The following HTR4 variants were observed in gnomAD, a reference collection of about 807,000 sequenced individuals.
HTR4 encodes 5-hydroxytryptamine (serotonin) receptor 4, G protein-coupled.
In HTR4, 16 loss-of-function variants were observed where a neutral mutation model predicts 36.8. That is an observed-to-expected ratio of 0.43 (90% CI 0.29 to 0.66). The LOEUF (loss-of-function observed/expected upper bound fraction) is 0.66, where lower values mean the gene tolerates loss of function less well. HTR4 is among the 30% of genes least tolerant of loss of function. HTR4 has a pLI of 0.13. For missense variants in HTR4, 438 were observed against 490.9 expected, an observed-to-expected ratio of 0.89 and a Z score of 1.02; for synonymous variants, 189 against 185.1, an observed-to-expected ratio of 1.02 and a Z score of -0.17.
intron 6 of HTR4, among the ~76,000 whole-genome samples, chr5:148,499,588 G>T (rs1756842092): frequency 6.6e-6 from 1 of 152,188 alleles, no homozygotes; most frequent in South Asian, 2.1e-4. Flanking sequence ...CACAGAAAAA[G>T]TGTCTTGATT....
At position 148,510,044 on chromosome 5, in the gene HTR4, A is replaced by C. The variant is rs745652095; in HGVS notation, c.508-20T>G. On this transcript the variant is annotated intron_variant, in intron 5 of 6. Transcript: ENST00000377888. Reference sequence around the variant, plus strand: ...TTCTATCTGAGAGTTGGAGGGAGAGAGGAAATGAGGAAAGGAGGTAAAAAG... The same window carrying C: ...TTCTATCTGAGAGTTGGAGGGAGAGCGGAAATGAGGAAAGGAGGTAAAAAG... 2 of 1,522,778 alleles carry C rather than the reference A, an allele frequency of 1.3e-6. No individual in the cohort carries two copies. Among genetic ancestry groups the C allele is most frequent in the Non-Finnish European group, 1.8e-6 (2 of 1,107,922 alleles). The allele number at this position is 1,522,778 out of a possible 1,614,324, so 94.3% of individuals were successfully genotyped here.
intron 3 of HTR4, 62 bp downstream of exon 3, chr5:148,550,075 A>C: frequency 6.4e-7 from 1 of 1,558,312 alleles, no homozygotes; most frequent in Non-Finnish European, 8.8e-7. Flanking sequence ...GTTCACACCC[A>C]ACTCTCTAGG....
chr5:148,455,092 T>C (rs1278722595), intron 5 of HTR4, among the ~76,000 whole-genome samples: 1 of 152,222 alleles, frequency 6.6e-6, no homozygotes, highest in Admixed American at 6.5e-5. Context: ...TTTTTGGAAG[T>C]TACATACCTT....
chr5:148,599,360 G>C (rs556750379), intron 2 of HTR4, among the ~76,000 whole-genome samples: 28 of 152,206 alleles, frequency 1.8e-4, no homozygotes, highest in African/African-American at 6.5e-4. Flanking sequence ...AAACTCCAAT[G>C]TAAATAGAAA....
chr5:148,612,302 A>T (rs1223015319), intron 2 of HTR4, among the ~76,000 whole-genome samples: 2 of 150,948 alleles, frequency 1.3e-5, no homozygotes, highest in Non-Finnish European at 3.0e-5. Context: ...AGCAAATGTA[A>T]AAGAACAGAA....
intron 5 of HTR4, among the ~76,000 whole-genome samples, chr5:148,455,792 T>C (rs185093900): frequency 6.6e-6 from 1 of 152,314 alleles, no homozygotes; most frequent in Admixed American, 6.5e-5. Flanking sequence ...TTTGTACTTA[T>C]AATAAAGTAA....
At chr5:148,492,045 C>A (rs1479668987) in intron 6 of HTR4, among the ~76,000 whole-genome samples, 1 of 152,206 alleles carries the variant, frequency 6.6e-6, no homozygotes, top group Non-Finnish European at 1.5e-5. Flanking sequence ...CTGCCTCTAT[C>A]TTTGACCTCA....
intron 2 of HTR4, among the ~76,000 whole-genome samples, chr5:148,628,215 A>G (rs1753192375): frequency 6.6e-6 from 1 of 152,236 alleles, no homozygotes; most frequent in African/African-American, 2.4e-5. Flanking sequence ...TAGAAAAGCA[A>G]ACCATTGAAG....
At chr5:148,551,012 C>T (rs536012174) in intron 2 of HTR4, among the ~76,000 whole-genome samples, 4 of 152,108 alleles carry the variant, frequency 2.6e-5, no homozygotes, top group African/African-American at 7.2e-5. Context: ...GCTTCCTTGC[C>T]GATCAACTTA....
chr5:148,630,407 A>C (rs945941917), intron 2 of HTR4: 2 of 152,174 alleles, frequency 1.3e-5, no homozygotes, highest in African/African-American at 4.8e-5. Flanking sequence ...AGTCCATGGA[A>C]GCTGCAGAGA....
chr5:148,641,067 C>T (rs965701649), intron 1 of HTR4, among the ~76,000 whole-genome samples: 4 of 152,184 alleles, frequency 2.6e-5, no homozygotes, highest in Non-Finnish European at 5.9e-5. Context: ...CTGCAGGACT[C>T]ACCAGGGAGA....
chr5:148,652,712 C>G (rs1364079161), intron 1 of HTR4, among the ~76,000 whole-genome samples: 1 of 152,014 alleles, frequency 6.6e-6, no homozygotes, highest in Non-Finnish European at 1.5e-5. Flanking sequence ...GTTCTCCTGG[C>G]ATTTAAATGA....
intron 2 of HTR4, among the ~76,000 whole-genome samples, chr5:148,571,244 G>A (rs1760664513): frequency 6.6e-6 from 1 of 152,088 alleles, no homozygotes. Context: ...ATAAAGGGAA[G>A]GGTATGCTTT....
rs954784476 is a variant in HTR4 at position 148,516,312 on chromosome 5, C to CTTT, written c.508-6291_508-6289dup. Among the ~76,000 whole-genome samples, 742 of 76,532 alleles carry CTTT rather than the reference C, an allele frequency of 9.7e-3. 3 individuals are homozygous for CTTT. The highest frequency in any genetic ancestry group is 0.013 in the Middle Eastern group (1 of 76). 50.2% of individuals were successfully genotyped at this position (76,532 alleles called of 152,430 possible). On this transcript the variant is annotated intron_variant, in intron 5 of 6. Transcript: ENST00000377888. ...CAGTATTTCCATTCAATTCCCCCCT[C>CTTT]TTTTTTTTTTTTTTTTTTTTTTTTT... is the stretch of plus-strand genomic sequence containing the variant.
intron 5 of HTR4, among the ~76,000 whole-genome samples, chr5:148,512,078 T>G (rs191580808): frequency 6.6e-6 from 1 of 152,192 alleles, no homozygotes; most frequent in African/African-American, 2.4e-5. Flanking sequence ...TCTGGTTCCT[T>G]CAATGGGACG....
chr5:148,607,433 A>G (rs1219785873), intron 2 of HTR4, among the ~76,000 whole-genome samples: 3 of 152,182 alleles, frequency 2.0e-5, no homozygotes, highest in Admixed American at 6.5e-5. Flanking sequence ...GAATTGACTG[A>G]AGATACTTGA....
intron 2 of HTR4, among the ~76,000 whole-genome samples, chr5:148,618,924 A>T (rs899938437): frequency 6.6e-6 from 1 of 152,228 alleles, no homozygotes; most frequent in African/African-American, 2.4e-5. Context: ...AGCCGATTCC[A>T]ATCACTTTCA....
intron 2 of HTR4, among the ~76,000 whole-genome samples, chr5:148,577,393 G>A (rs1760967424): frequency 6.6e-6 from 1 of 152,116 alleles, no homozygotes; most frequent in Admixed American, 6.5e-5. Context: ...TTCAACCATT[G>A]TGGAAAGCAG....
chr5:148,581,535 A>G (rs1761134627), intron 2 of HTR4, among the ~76,000 whole-genome samples: 1 of 152,046 alleles, frequency 6.6e-6, no homozygotes, highest in South Asian at 2.1e-4. Context: ...GAATGACACA[A>G]TTTTATTACT....
Sources: allele counts gnomAD v4.1 joint callset (sites outside exome capture counted in the v4.1 genomes callset), GRCh38; gene constraint gnomAD v4.1.1; transcripts MANE v1.5; gene names NCBI Gene and HGNC (gene_info 2026-07-23, HGNC 2026-07-21).